SEM1: variants seen among roughly 807,000 people sequenced by gnomAD.
The protein encoded by SEM1 is 26S proteasome complex subunit SEM1.
SEM1 carries 3 observed loss-of-function variants against 12.7 expected under a neutral mutation model. That is an observed-to-expected ratio of 0.24 (90% CI 0.11 to 0.61). The LOEUF (loss-of-function observed/expected upper bound fraction) is 0.61. Ranked by LOEUF, SEM1 falls within the 20% of genes least tolerant of loss-of-function variation. The pLI is 0.88. For missense variants in SEM1, 59 were observed against 81.3 expected (o/e 0.73, Z 1.06); for synonymous variants, 30 against 27.8 (o/e 1.08, Z -0.25).
chr7:96,489,209 T>A (rs1156976916), intron 1 of SEM1, among the ~76,000 whole-genome samples: 1 of 152,158 alleles, frequency 6.6e-6, no homozygotes, highest in African/African-American at 2.4e-5. Flanking sequence ...CTAAAATATG[T>A]CTGCCTATTG....
chr7:96,508,694 T>G (rs1210833410), intron 2 of SEM1, among the ~76,000 whole-genome samples: 1 of 152,188 alleles, frequency 6.6e-6, no homozygotes, highest in Non-Finnish European at 1.5e-5. Flanking sequence ...CCATGTTCAC[T>G]TTTTGGCTAC....
At chr7:96,584,068 G>T (rs1288155924) in intron 2 of SEM1, among the ~76,000 whole-genome samples, 1 of 152,050 alleles carries the variant, frequency 6.6e-6, no homozygotes, top group Non-Finnish European at 1.5e-5. Context: ...AGTCTCGATG[G>T]CCTTTACATT....
intron 2 of SEM1, among the ~76,000 whole-genome samples, chr7:96,578,213 G>A (rs1187035316): frequency 2.6e-5 from 4 of 151,296 alleles, no homozygotes; most frequent in Admixed American, 6.6e-5. Context: ...ATGACATTGA[G>A]AATTTTGCAG....
chr7:96,578,931 C>A (rs527470474), intron 2 of SEM1, among the ~76,000 whole-genome samples: 17 of 152,272 alleles, frequency 1.1e-4, no homozygotes, highest in Admixed American at 2.6e-4. Flanking sequence ...CAATAGCAGT[C>A]ACCAGCCTGC....
At chr7:96,504,466 C>T (rs952726593) in intron 3 of SEM1, among the ~76,000 whole-genome samples, 4 of 152,088 alleles carry the variant, frequency 2.6e-5, no homozygotes, top group African/African-American at 9.7e-5. Context: ...ACTGATTCAA[C>T]AATTACCAGC....
chr7:96,592,338 A>C (rs1469572405), intron 2 of SEM1, among the ~76,000 whole-genome samples: 1 of 152,060 alleles, frequency 6.6e-6, no homozygotes, highest in Non-Finnish European at 1.5e-5. Flanking sequence ...TGTTAGAGGC[A>C]CTTGCCCCCA....
rs571944745 is a variant in SEM1, at chr7:96,708,170, G to A, written c.76+1518C>T. On this transcript the variant is annotated intron_variant, in intron 1 of 2. Transcript: ENST00000248566. ...TACCTTCAATAGGCCAGCTTTCTAC[G>A]ACACAGCTCTATGTTGGCGGATTAT... The A allele has an allele frequency of 3.9e-5, 6 of 152,292 alleles. No homozygotes were observed. In the East Asian group the frequency reaches 7.7e-4, roughly 20 times the overall value. 9.4% of individuals were successfully genotyped at this position (152,292 alleles called of 1,614,324 possible).
chr7:96,605,748 C>T (rs796598872), intron 2 of SEM1, among the ~76,000 whole-genome samples: 7 of 152,184 alleles, frequency 4.6e-5, no homozygotes, highest in East Asian at 1.9e-4. Context: ...CCCCATTATC[C>T]GTGCTTTCAC....
At chr7:96,560,748 T>C (rs1805667077) in intron 2 of SEM1, among the ~76,000 whole-genome samples, 1 of 152,046 alleles carries the variant, frequency 6.6e-6, no homozygotes, top group African/African-American at 2.4e-5. Flanking sequence ...GGATTTTGCT[T>C]CTTATATTTA....
intron 1 of SEM1, among the ~76,000 whole-genome samples, chr7:96,489,325 G>A (rs376302515): frequency 6.6e-6 from 1 of 152,260 alleles, no homozygotes; most frequent in East Asian, 1.9e-4. Context: ...GACCTGGAGT[G>A]CTTGTTAAGC....
intron 2 of SEM1, among the ~76,000 whole-genome samples, chr7:96,581,694 G>C (rs552618141): frequency 4.6e-5 from 7 of 152,268 alleles, no homozygotes; most frequent in Non-Finnish European, 5.9e-5. Flanking sequence ...CACAGCCCTT[G>C]TAAGTTGGAT....
At chr7:96,483,411 T>C (rs1222424561) in exon 4 of SEM1, 3 of 174,932 alleles carry the variant, frequency 1.7e-5, no homozygotes, top group African/African-American at 7.2e-5. Flanking sequence ...ACTCTTCTGT[T>C]GTCAGGTTAG....
chr7:96,677,221 G>A (rs749377475), intron 2 of SEM1, among the ~76,000 whole-genome samples: 1 of 152,094 alleles, frequency 6.6e-6, no homozygotes, highest in African/African-American at 2.4e-5. Context: ...CTCAGGAGTC[G>A]TCTCTAAATG....
intron 2 of SEM1, among the ~76,000 whole-genome samples, chr7:96,531,964 A>G (rs1804655301): frequency 6.6e-6 from 1 of 152,148 alleles, no homozygotes; most frequent in Middle Eastern, 3.4e-3. Flanking sequence ...CTCTGTGAAG[A>G]CTTCCTCAAT....
intron 2 of SEM1, among the ~76,000 whole-genome samples, chr7:96,533,356 G>A (rs1425372715): frequency 2.6e-5 from 4 of 151,962 alleles, no homozygotes; most frequent in Non-Finnish European, 5.9e-5. Context: ...TCAATCTAGA[G>A]TCATCAAAGA....
intron 2 of SEM1, among the ~76,000 whole-genome samples, chr7:96,635,226 G>A (rs1376721396): frequency 2.0e-5 from 3 of 152,102 alleles, no homozygotes; most frequent in African/African-American, 7.2e-5. Flanking sequence ...AAGAAGACTA[G>A]AGAAAGACCA....
chr7:96,547,114 A>G (rs941531683), intron 2 of SEM1, among the ~76,000 whole-genome samples: 5 of 152,122 alleles, frequency 3.3e-5, no homozygotes, highest in African/African-American at 4.8e-5. Context: ...TGTATAGTTG[A>G]GAGGGAAACC....
intron 2 of SEM1, among the ~76,000 whole-genome samples, chr7:96,548,780 C>G (rs557898654): frequency 6.6e-6 from 1 of 152,224 alleles, no homozygotes; most frequent in South Asian, 2.1e-4. Flanking sequence ...GTGCCTACCG[C>G]ATATTTAGCA....
At chr7:96,634,804 G>A (rs962393177) in intron 2 of SEM1, among the ~76,000 whole-genome samples, 2 of 151,882 alleles carry the variant, frequency 1.3e-5, no homozygotes, top group African/African-American at 4.8e-5. Flanking sequence ...GAGTAGGCAA[G>A]GGGGCGAGAA....
Sources: gnomAD v4.1 joint callset for allele counts (sites outside exome capture counted in the v4.1 genomes callset) on GRCh38, gnomAD v4.1.1 for gene constraint, MANE v1.5 for transcripts, NCBI Gene and HGNC (gene_info 2026-07-23, HGNC 2026-07-21) for gene names.